Variants in PDXDC1 observed in about 807,000 individuals in gnomAD.
PDXDC1 encodes the protein pyridoxal-dependent decarboxylase domain-containing protein 1.
PDXDC1 carries 42 observed loss-of-function variants against 100.1 expected under a neutral mutation model. The observed-to-expected ratio is 0.42, with a 90% confidence interval of 0.33 to 0.54. The LOEUF (loss-of-function observed/expected upper bound fraction) is 0.54, where lower values mean the gene tolerates loss of function less well. PDXDC1 is among the 20% of genes least tolerant of loss of function. PDXDC1 has a pLI of 0.10. For synonymous variants in PDXDC1, 260 were observed against 371.7 expected (o/e 0.70, Z 3.46); for missense variants, 636 against 979.2 (o/e 0.65, Z 4.68).
In PDXDC1 at chr16:15,124,027, T is replaced by A. The variant is rs1386979454; in HGVS notation, c.1400-14852T>A. Among the ~76,000 whole-genome samples, 4 of 151,974 alleles carry A rather than the reference T, an allele frequency of 2.6e-5. 1 individual carries two copies. The highest frequency in any genetic ancestry group is 1.3e-4 in the Admixed American group (2 of 15,240). ...GTGGACTTTAAATTCTGAACCCAAA[T>A]GAGGGGGAGAAAACCAAGCTGACTT... On this transcript the variant is annotated intron_variant, in intron 16 of 16. Coordinates refer to the PDXDC1 transcript ENST00000535621.
chr16:15,065,880 C>T (rs1279571737), intron 16 of PDXDC1, among the ~76,000 whole-genome samples: 1 of 152,194 alleles, frequency 6.6e-6, no homozygotes, highest in Admixed American at 6.5e-5. Context: ...ACGGGGTTGA[C>T]TAAGTCATGA....
At chr16:15,040,941 G>A (rs550566490), downstream of PDXDC1, 165 of 712,034 alleles carry the variant, frequency 2.3e-4, no homozygotes, top group Non-Finnish European at 3.8e-4. Context: ...GCAGATGTTC[G>A]GAGTAGCTGG....
At chr16:15,143,087 C>G (rs1204321403), downstream of PDXDC1, among the ~76,000 whole-genome samples, 1 of 152,108 alleles carries the variant, frequency 6.6e-6, no homozygotes, top group Non-Finnish European at 1.5e-5. Context: ...GAGAAGTACA[C>G]CCCCATGGGG....
intron 4 of PDXDC1, among the ~76,000 whole-genome samples, chr16:15,003,410 G>T (rs966681989): frequency 6.6e-6 from 1 of 152,102 alleles, no homozygotes; most frequent in Admixed American, 6.5e-5. Context: ...TAGAGATGGG[G>T]TTTCACCATG....
intron 16 of PDXDC1, among the ~76,000 whole-genome samples, chr16:15,112,137 G>A (rs62039530): frequency 0.76 from 110,192 of 144,836 alleles, 44,040 homozygotes; most frequent in Admixed American, 0.86. Flanking sequence ...CAGATATTAA[G>A]TATTTGTTCT....
chr16:15,060,204 C>A, intron 16 of PDXDC1: 1 of 396,562 alleles, frequency 2.5e-6, no homozygotes, highest in Non-Finnish European at 5.0e-6. Context: ...ACCCCACTTA[C>A]TACTAATTTC....
chr16:15,122,024 A>G (rs1254643037), intron 16 of PDXDC1: 1 of 284,588 alleles, frequency 3.5e-6, no homozygotes, highest in African/African-American at 2.3e-5. Flanking sequence ...TAAAAATACA[A>G]AAATTAGCCA....
rs1370118093 is a variant in PDXDC1 at position 15,125,068 on chromosome 16, A to G, written c.1400-13811A>G. Among the ~76,000 whole-genome samples the G allele has an allele frequency of 5.8e-3, 849 of 146,202 alleles. 2 individuals are homozygous for G. The highest frequency in any genetic ancestry group is 0.015 in the Middle Eastern group (4 of 270). On this transcript the variant is annotated intron_variant, in intron 16 of 16. Transcript: ENST00000535621. ...AGGCTGAGGCAGGACAATCCCTTGA[A>G]CCCGGGAGGCGGAGGTTGCAGTGAG...
chr16:14,997,556 A>G (rs1189171333), intron 1 of PDXDC1, among the ~76,000 whole-genome samples, 197 bp from the exon 2 acceptor site: 2 of 152,272 alleles, frequency 1.3e-5, no homozygotes, highest in African/African-American at 2.4e-5. Context: ...AAAAATAAAA[A>G]CAGCGGCTTC....
chr16:15,040,917 C>A, downstream of PDXDC1: 1 of 659,264 alleles, frequency 1.5e-6, no homozygotes, highest in South Asian at 1.8e-5. Context: ...AAGCTACTTG[C>A]CCAAGGCCTC....
intron 16 of PDXDC1, among the ~76,000 whole-genome samples, chr16:15,089,808 A>G (rs1239934954): frequency 2.1e-5 from 3 of 145,022 alleles, no homozygotes; most frequent in Non-Finnish European, 4.6e-5. Context: ...AAAAAAAAAA[A>G]AAACAGATTA....
chr16:15,080,512 G>C (rs1243912773), intron 16 of PDXDC1, among the ~76,000 whole-genome samples: 2 of 152,148 alleles, frequency 1.3e-5, no homozygotes, highest in Non-Finnish European at 2.9e-5. Flanking sequence ...ATAGCTCACT[G>C]CAACCCTGAA....
chr16:15,016,442 T>A, intron 9 of PDXDC1: 2 of 1,154,486 alleles, frequency 1.7e-6, no homozygotes, highest in Admixed American at 6.7e-5. Context: ...GGATCCAGTG[T>A]GTTACTCCCA....
At chr16:15,038,401 C>CT (rs2043642927), downstream of PDXDC1, 1 of 623,460 alleles carries the variant, frequency 1.6e-6, no homozygotes, top group African/African-American at 1.8e-5. Context: ...CCATCTAGGA[C>CT]TTGACATATC....
chr16:15,039,841 G>A, downstream of PDXDC1: 1 of 664,860 alleles, frequency 1.5e-6, no homozygotes, highest in Non-Finnish European at 2.7e-6. Context: ...GTATGTGCTG[G>A]TCCCTGATAA....
At chr16:15,135,291 T>A in intron 16 of PDXDC1, 1 of 1,480,548 alleles carries the variant, frequency 6.8e-7, no homozygotes. Flanking sequence ...GTCTGGTTGG[T>A]GGCCTCCTCC....
intron 16 of PDXDC1, chr16:15,132,919 C>T: frequency 6.3e-7 from 1 of 1,585,198 alleles, no homozygotes. Context: ...GGGCAGGAGA[C>T]CGGCAGGAGG....
intron 16 of PDXDC1, among the ~76,000 whole-genome samples, chr16:15,067,715 T>A (rs1239758460): frequency 6.6e-6 from 1 of 152,056 alleles, no homozygotes; most frequent in South Asian, 2.1e-4. Context: ...CATCAAAGTA[T>A]AAAAACAATA....
chr16:15,013,914 C>T (rs1172101049), intron 8 of PDXDC1, among the ~76,000 whole-genome samples: 2 of 148,652 alleles, frequency 1.3e-5, no homozygotes, highest in Admixed American at 6.8e-5. Context: ...TACAATAAAA[C>T]TGCTTATTTA....
Sources: allele counts gnomAD v4.1 joint callset (sites outside exome capture counted in the v4.1 genomes callset), GRCh38; gene constraint gnomAD v4.1.1; transcripts MANE v1.5; gene names NCBI Gene and HGNC (gene_info 2026-07-23, HGNC 2026-07-21).